CRHR2: variants seen among roughly 807,000 people sequenced by gnomAD.
The protein encoded by CRHR2 is corticotropin releasing hormone receptor 2, also known as corticotropin-releasing hormone receptor 2.
Under a neutral mutation model 57.9 loss-of-function variants are expected in CRHR2, and 53 were observed. The observed-to-expected ratio is 0.92, with a 90% confidence interval of 0.73 to 1.15. The LOEUF is 1.15. CRHR2 is among the 50% of genes most tolerant of loss of function. The probability of loss-of-function intolerance (pLI) is 0.00; values close to 1 mark genes in which losing one functional copy is unlikely to be tolerated. For missense variants in CRHR2, 532 were observed against 542.6 expected, an observed-to-expected ratio of 0.98 and a Z score of 0.19; for synonymous variants, 213 against 220.9, an observed-to-expected ratio of 0.96 and a Z score of 0.32.
intron 1 of CRHR2, chr7:30,698,236 T>G (rs1785095498): frequency 6.6e-6 from 1 of 152,288 alleles, no homozygotes; most frequent in South Asian, 2.1e-4. Context: ...TGTGGGTAAG[T>G]AACTGGTCTC....
At chr7:30,680,257 T>C (rs1284505989) in intron 2 of CRHR2, among the ~76,000 whole-genome samples, 1 of 152,142 alleles carries the variant, frequency 6.6e-6, no homozygotes, top group Non-Finnish European at 1.5e-5. Flanking sequence ...ATACAGTGCC[T>C]GTGCAGTGGC....
chr7:30,683,061 G>T (rs1416602414), upstream of CRHR2, among the ~76,000 whole-genome samples: 1 of 152,222 alleles, frequency 6.6e-6, no homozygotes, highest in Non-Finnish European at 1.5e-5. Flanking sequence ...TTTCGGAGGG[G>T]CAGCCAGACC....
intron 6 of CRHR2, 83 bp downstream of exon 6, chr7:30,662,611 G>C: frequency 6.5e-7 from 1 of 1,535,240 alleles, no homozygotes; most frequent in Middle Eastern, 2.2e-4. Flanking sequence ...GCCAGGCTCT[G>C]GTCCTTGGAC....
chr7:30,664,463 C>T (rs984344529), intron 5 of CRHR2, among the ~76,000 whole-genome samples: 1 of 152,188 alleles, frequency 6.6e-6, no homozygotes, highest in East Asian at 1.9e-4. Flanking sequence ...CTGCTGGTCT[C>T]ATTAGGATTA....
exon 1 of CRHR2, chr7:30,699,954 G>C (rs746627066): frequency 2.0e-6 from 3 of 1,502,330 alleles, no homozygotes; most frequent in Non-Finnish European, 2.7e-6. Flanking sequence ...GTATTGGAGC[G>C]GCGGTGGGAG....
rs759126522 is a variant in CRHR2 at position 30,655,087 on chromosome 7, A to T, written c.1054-7T>A. 1.2e-6 allele frequency: 2 copies of T among 1,612,624 alleles called. No individual in the cohort carries two copies. The highest frequency in any genetic ancestry group is 1.7e-6 in the Non-Finnish European group (2 of 1,179,232). On this transcript the variant is annotated splice_region_variant and splice_polypyrimidine_tract_variant and intron_variant, in intron 10 of 11. Coordinates refer to ENST00000471646, the MANE Select transcript of CRHR2 (RefSeq NM_001883.5). ...AGACAGACACGAAGAAACCCTGGAA[A>T]GGAGGGAAAGGAGGGAGTGGTCAGT... is the stretch of plus-strand genomic sequence containing the variant.
intron 1 of CRHR2, among the ~76,000 whole-genome samples, chr7:30,691,994 C>T (rs1287684274): frequency 6.6e-6 from 1 of 152,148 alleles, no homozygotes; most frequent in African/African-American, 2.4e-5. Context: ...GTAGAGTGCA[C>T]ACATCCCAGT....
At chr7:30,660,474 G>A (rs1783953433) in intron 8 of CRHR2, 99 bp downstream of exon 8, 3 of 1,247,594 alleles carry the variant, frequency 2.4e-6, no homozygotes, top group Admixed American at 4.0e-5. Flanking sequence ...GTGTGCGCAG[G>A]GCTGCCCATG....
rs1464090073 is a variant in CRHR2, at chr7:30,652,398, G to C, written c.*1062C>G. ...GGTTGGAGTGATAAGGGACAGACCC[G>C]CCTGCAGGTGCTTTGACCATAAAGA... On this transcript the variant is annotated 3_prime_UTR_variant, in exon 12 of 12. Coordinates refer to ENST00000471646, the MANE Select transcript of CRHR2 (RefSeq NM_001883.5). The surrounding 1 kb of genome is among the most constrained non-coding windows in gnomAD (Gnocchi z 4.4). 1.3e-5 allele frequency: 2 copies of C among 152,256 alleles called. No individual in the cohort carries two copies. The highest frequency in any genetic ancestry group is 2.9e-5 in the Non-Finnish European group (2 of 68,078). The allele number at this position is 152,256 out of a possible 1,614,324, so 9.4% of individuals were successfully genotyped here. A position where few individuals can be genotyped will look rare whatever the true frequency, so the allele number is the denominator to read the frequency against.
chr7:30,682,659 C>T (rs941822782), upstream of CRHR2: 8 of 334,404 alleles, frequency 2.4e-5, no homozygotes, highest in Non-Finnish European at 1.3e-5. Flanking sequence ...CAGAGGAGGG[C>T]GGTGGGCTGG....
intron 2 of CRHR2, among the ~76,000 whole-genome samples, chr7:30,680,688 C>T (rs1031601057): frequency 6.6e-6 from 1 of 152,144 alleles, no homozygotes; most frequent in African/African-American, 2.4e-5. Flanking sequence ...GAAGCATGTG[C>T]TCCCTGGGCC....
intron 8 of CRHR2, among the ~76,000 whole-genome samples, chr7:30,657,597 A>G (rs943681982): frequency 1.3e-5 from 2 of 152,212 alleles, no homozygotes; most frequent in Admixed American, 1.3e-4. Context: ...AACTGTTGGA[A>G]TCAAAATATA....
Position 30,655,587 on chromosome 7 carries a change from G to T in CRHR2, c.1046C>A (p.Ser349Ter). The T allele has an allele frequency of 1.2e-6, 2 of 1,612,554 alleles. No individual in the cohort carries two copies. Among genetic ancestry groups the T allele is most frequent in the Non-Finnish European group, 1.7e-6 (2 of 1,179,108 alleles). The change falls in exon 10 of 12, where the codon TCG becomes TAG. Residue 349 changes from serine (S) to a stop codon, truncating the protein, a stop_gained. Coordinates refer to ENST00000471646, the MANE Select transcript of CRHR2 (RefSeq NM_001883.5). LOFTEE classifies it high-confidence loss of function. Reference sequence around the variant, plus strand: ...TCTGGTCACAGGCCCCACCTGGAACGACTGCAGGAAGGAGTTGAAATAGAT... The same window carrying T: ...TCTGGTCACAGGCCCCACCTGGAACTACTGCAGGAAGGAGTTGAAATAGAT... ...MFIYFNSFLQ[S>*]FQGFFVSVFY...
At chr7:30,679,722 C>G (rs1196087089) in intron 2 of CRHR2, among the ~76,000 whole-genome samples, 1 of 152,196 alleles carries the variant, frequency 6.6e-6, no homozygotes, top group Admixed American at 6.5e-5. Context: ...CCCTAGGCTT[C>G]TCGTGGAGGT....
At chr7:30,677,231 C>A (rs1784547209) in intron 2 of CRHR2, among the ~76,000 whole-genome samples, 1 of 151,940 alleles carries the variant, frequency 6.6e-6, no homozygotes, top group South Asian at 2.1e-4. Flanking sequence ...ATGAGAGAAT[C>A]TGAGAAAGAC....
At chr7:30,683,547 G>C (rs1784792543), upstream of CRHR2, among the ~76,000 whole-genome samples, 1 of 152,168 alleles carries the variant, frequency 6.6e-6, no homozygotes, top group South Asian at 2.1e-4. Flanking sequence ...GCAGGGCCTG[G>C]GGTAAGGCAT....
chr7:30,695,664 T>C (rs1262755954), intron 1 of CRHR2, among the ~76,000 whole-genome samples: 1 of 152,218 alleles, frequency 6.6e-6, no homozygotes, highest in Non-Finnish European at 1.5e-5. Flanking sequence ...ACACATCTAA[T>C]GTCCAGTTTG....
At chr7:30,687,438 A>T (rs992664304), upstream of CRHR2, among the ~76,000 whole-genome samples, 1 of 145,704 alleles carries the variant, frequency 6.9e-6, no homozygotes, top group Admixed American at 6.9e-5. Flanking sequence ...TTATCCCATT[A>T]AAAAAAAAAG....
At position 30,658,429 on chromosome 7, in the gene CRHR2, TG is replaced by T. The variant is rs574287084; in HGVS notation, c.831+2143del. Reference sequence around the variant, plus strand: ...GCTTGCAGAGGGCTTGTGGCCTAGCTGGGGGCCTGGAGGGGTTGGGGGTGGG... The same window carrying T: ...GCTTGCAGAGGGCTTGTGGCCTAGCTGGGGCCTGGAGGGGTTGGGGGTGGG... On this transcript the variant is annotated intron_variant, in intron 8 of 11. Transcript: ENST00000471646. 1.8e-3 allele frequency among the ~76,000 whole-genome samples: 271 copies of T among 150,740 alleles called. 1 individual carries two copies. Among genetic ancestry groups the T allele is most frequent in the African/African-American group, 6.1e-3 (249 of 41,054 alleles).
Sources: allele counts gnomAD v4.1 joint callset (sites outside exome capture counted in the v4.1 genomes callset), GRCh38; gene constraint gnomAD v4.1.1; non-coding constraint Gnocchi (gnomAD v3.1); transcripts MANE v1.5; gene names NCBI Gene and HGNC (gene_info 2026-07-23, HGNC 2026-07-21).